PEMT: variants seen among roughly 807,000 people sequenced by gnomAD.
PEMT encodes the protein phosphatidylethanolamine N-methyltransferase.
In PEMT, 23 loss-of-function variants were observed where a neutral mutation model predicts 27.4. That is an observed-to-expected ratio of 0.84 (90% CI 0.60 to 1.19). The LOEUF (loss-of-function observed/expected upper bound fraction) is 1.19, where lower values mean the gene tolerates loss of function less well. PEMT is among the 50% of genes most tolerant of loss of function. The pLI, the probability that PEMT is intolerant of heterozygous loss-of-function variation, is 0.00. For missense variants in PEMT, 307 were observed against 310.1 expected, an observed-to-expected ratio of 0.99 and a Z score of 0.07; for synonymous variants, 137 against 139.1, an observed-to-expected ratio of 0.98 and a Z score of 0.11.
intron 2 of PEMT, among the ~76,000 whole-genome samples, chr17:17,529,963 T>C (rs1907970248): frequency 6.6e-6 from 1 of 152,136 alleles, no homozygotes; most frequent in African/African-American, 2.4e-5. Context: ...AGCTCCAGGA[T>C]ATATTCATTA....
In PEMT at chr17:17,505,673, C is replaced by T; in HGVS notation, c.*118G>A. ...GGCAGCAGGTTCCAAGGCACTGGGG[C>T]AGCCCACGCCGGGGGCGAGCCCTGA... is the stretch of plus-strand genomic sequence containing the variant. On this transcript the variant is annotated 3_prime_UTR_variant, in exon 7 of 7. Coordinates refer to ENST00000255389, the MANE Select transcript of PEMT (RefSeq NM_148172.3). 2.5e-6 allele frequency: 3 copies of T among 1,223,822 alleles called. No homozygotes were observed. The highest frequency in any genetic ancestry group is 3.0e-5 in the East Asian group (1 of 33,732). 75.8% of individuals were successfully genotyped at this position (1,223,822 alleles called of 1,614,324 possible).
At chr17:17,580,080 G>C (rs1911886668) in intron 1 of PEMT, among the ~76,000 whole-genome samples, 1 of 152,178 alleles carries the variant, frequency 6.6e-6, no homozygotes, top group African/African-American at 2.4e-5. Flanking sequence ...GTCCTGCCCT[G>C]AAGGGAGGGG....
rs1463356321 is a variant in PEMT at position 17,538,412 on chromosome 17, G to C, written c.205-16017C>G. Among the ~76,000 whole-genome samples the C allele has an allele frequency of 2.6e-5, 4 of 152,250 alleles. No individual in the cohort carries two copies. The East Asian group carries it at 7.7e-4, about 29-fold the overall frequency. On this transcript the variant is annotated intron_variant, in intron 2 of 6. Transcript: ENST00000255389. Reference sequence around the variant, plus strand: ...TCTACAAACAATTGAAAAATTCTCTGGGCATGGTGGCACATGCCTGTAGTC... The same window carrying C: ...TCTACAAACAATTGAAAAATTCTCTCGGCATGGTGGCACATGCCTGTAGTC...
chr17:17,565,548 G>A (rs934388269), intron 2 of PEMT, among the ~76,000 whole-genome samples: 2 of 152,238 alleles, frequency 1.3e-5, no homozygotes, highest in Non-Finnish European at 2.9e-5. Context: ...AATGGGGAGG[G>A]CGGGGAGTCA....
At chr17:17,591,146 G>A (rs1912563362) in intron 1 of PEMT, among the ~76,000 whole-genome samples, 1 of 151,672 alleles carries the variant, frequency 6.6e-6, no homozygotes, top group South Asian at 2.1e-4. Context: ...ACACAGCCTC[G>A]GTCATACACA....
chr17:17,548,955 A>T (rs1017149757), intron 2 of PEMT, among the ~76,000 whole-genome samples: 2 of 152,004 alleles, frequency 1.3e-5, no homozygotes, highest in Admixed American at 6.5e-5. Flanking sequence ...ACCAGGCCAC[A>T]TCTCCTCAGC....
chr17:17,577,144 G>A, intron 1 of PEMT, 117 bp from the exon 2 acceptor site: 1 of 739,666 alleles, frequency 1.4e-6, no homozygotes, highest in South Asian at 1.5e-5. Flanking sequence ...GAACATCCAA[G>A]TCCGGCAAAG....
At chr17:17,566,921 G>T (rs1910864922) in intron 2 of PEMT, among the ~76,000 whole-genome samples, 1 of 152,206 alleles carries the variant, frequency 6.6e-6, no homozygotes. Flanking sequence ...TGGGTCCCCT[G>T]CCTCCTCTCC....
intron 2 of PEMT, among the ~76,000 whole-genome samples, chr17:17,546,151 G>A (rs1045744778): frequency 1.3e-5 from 2 of 152,170 alleles, no homozygotes; most frequent in African/African-American, 4.8e-5. Flanking sequence ...ATGCACAGAC[G>A]CTCTGGCTGG....
In PEMT at chr17:17,579,404, G is replaced by A. The variant is rs534271777; in HGVS notation, c.97-2377C>T. 3.7e-4 allele frequency among the ~76,000 whole-genome samples: 56 copies of A among 152,340 alleles called. 1 individual carries two copies. In the South Asian group the frequency reaches 8.1e-3, roughly 22 times the overall value. ...AGATGTTAAATGCTCTAGGCCGGGC[G>A]TGGTGGCTCATGCCTATAATCCCAG... is the stretch of plus-strand genomic sequence containing the variant. On this transcript the variant is annotated intron_variant, in intron 1 of 6. Transcript: ENST00000255389.
At chr17:17,539,751 G>A (rs1169211635) in intron 2 of PEMT, among the ~76,000 whole-genome samples, 1 of 152,224 alleles carries the variant, frequency 6.6e-6, no homozygotes, top group African/African-American at 2.4e-5. Context: ...ACAGAGCCCC[G>A]GGCACAGCCC....
At chr17:17,548,466 G>C (rs1909413299) in intron 2 of PEMT, among the ~76,000 whole-genome samples, 1 of 152,222 alleles carries the variant, frequency 6.6e-6, no homozygotes. Flanking sequence ...GGCCCTTGAG[G>C]GACCCAGAAG....
Position 17,586,290 on chromosome 17 carries a change from A to AAG in PEMT, c.96+5240_96+5241insCT, listed in dbSNP as rs1178124618. On this transcript the variant is annotated intron_variant, in intron 1 of 6. Coordinates refer to ENST00000255389, the MANE Select transcript of PEMT (RefSeq NM_148172.3). ...AAAGAAAGAAAGAAAGAAAGAAAGA[A>AAG]AAAAAAAAACGCAGGTGGAAAATCG... Among the ~76,000 whole-genome samples, 673 of 96,130 alleles carry AAG rather than the reference A, an allele frequency of 7.0e-3. 5 individuals carry two copies. Among genetic ancestry groups the AAG allele is most frequent in the African/African-American group, 0.036 (525 of 14,704 alleles). 63.1% of individuals were successfully genotyped at this position (96,130 alleles called of 152,430 possible). A position where few individuals can be genotyped will look rare whatever the true frequency, so the allele number is the denominator to read the frequency against.
chr17:17,568,844 T>C (rs1911005444), intron 2 of PEMT, among the ~76,000 whole-genome samples: 1 of 152,114 alleles, frequency 6.6e-6, no homozygotes, highest in Non-Finnish European at 1.5e-5. Flanking sequence ...CTCCTCCTCC[T>C]CTTCCTCCTC....
At chr17:17,570,977 G>T in intron 2 of PEMT, 1 of 917,226 alleles carries the variant, frequency 1.1e-6, no homozygotes, top group Non-Finnish European at 1.3e-6. Context: ...TCCCTTTGGA[G>T]ACTGGAGACT....
At chr17:17,573,668 C>A (rs1445683592) in intron 2 of PEMT, among the ~76,000 whole-genome samples, 1 of 152,054 alleles carries the variant, frequency 6.6e-6, no homozygotes, top group Non-Finnish European at 1.5e-5. Flanking sequence ...GAGCATCTGC[C>A]GATTTTGGTA....
intron 4 of PEMT, among the ~76,000 whole-genome samples, chr17:17,510,008 G>C (rs1906241397): frequency 6.6e-6 from 1 of 152,100 alleles, no homozygotes; most frequent in African/African-American, 2.4e-5. Context: ...TCTCCCTCTA[G>C]GGGCCTCAGC....
intron 2 of PEMT, among the ~76,000 whole-genome samples, chr17:17,543,233 C>T (rs190105962): frequency 3.5e-4 from 53 of 152,374 alleles, no homozygotes; most frequent in Admixed American, 6.5e-4. Flanking sequence ...ACTGCCAGGG[C>T]GTTCTTCCCA....
intron 3 of PEMT, among the ~76,000 whole-genome samples, chr17:17,516,139 G>T (rs1329435851): frequency 6.6e-6 from 1 of 152,232 alleles, no homozygotes; most frequent in African/African-American, 2.4e-5. Context: ...CCACATCCAT[G>T]TGTGGCCTGA....
Sources: allele counts gnomAD v4.1 joint callset (sites outside exome capture counted in the v4.1 genomes callset), GRCh38; gene constraint gnomAD v4.1.1; transcripts MANE v1.5; gene names NCBI Gene and HGNC (gene_info 2026-07-23, HGNC 2026-07-21).